Variants in IQCJ observed in about 807,000 individuals in gnomAD.
IQCJ encodes the protein IQ motif containing J.
In IQCJ, 9 loss-of-function variants were observed where a neutral mutation model predicts 11.0. The ratio of observed to expected loss-of-function variants is 0.82; its 90% CI spans 0.49 to 1.43. The LOEUF is 1.43. IQCJ is among the 40% of genes most tolerant of loss of function. The probability of loss-of-function intolerance (pLI) is 0.00; values close to 1 mark genes in which losing one functional copy is unlikely to be tolerated. For synonymous variants in IQCJ, 55 were observed against 51.3 expected (o/e 1.07, Z -0.31); for missense variants, 146 against 133.2 (o/e 1.10, Z -0.47).
intron 1 of IQCJ, among the ~76,000 whole-genome samples, chr3:159,194,481 T>C (rs932265390): frequency 6.6e-6 from 1 of 152,224 alleles, no homozygotes; most frequent in Non-Finnish European, 1.5e-5. Flanking sequence ...TGTTGTTCTA[T>C]AACAATATCT....
At position 159,227,158 on chromosome 3, in the gene IQCJ, G is replaced by C. The variant is rs1725906381; in HGVS notation, c.10-18685G>C. 2.0e-5 allele frequency among the ~76,000 whole-genome samples: 3 copies of C among 152,142 alleles called. No individual in the cohort carries two copies. The South Asian group carries it at 6.2e-4, about 32-fold the overall frequency. On this transcript the variant is annotated intron_variant, in intron 1 of 3. Transcript: ENST00000397832. ...GATGCTTTCTAAATTGTTATAATTA[G>C]ACAATTTTGATAGCAACGAACAAAG...
chr3:159,084,934 T>C (rs1190862088), intron 1 of IQCJ, among the ~76,000 whole-genome samples: 1 of 151,790 alleles, frequency 6.6e-6, no homozygotes, highest in Non-Finnish European at 1.5e-5. Context: ...ATTATTATTA[T>C]ACTTTAAGTT....
chr3:159,129,199 A>T (rs1011846832), intron 1 of IQCJ, among the ~76,000 whole-genome samples: 4 of 152,228 alleles, frequency 2.6e-5, no homozygotes, highest in Non-Finnish European at 5.9e-5. Context: ...GCCCTAAGAG[A>T]TTAAATAATT....
intron 1 of IQCJ, among the ~76,000 whole-genome samples, chr3:159,109,535 A>T (rs993587599): frequency 1.3e-5 from 2 of 151,190 alleles, no homozygotes; most frequent in African/African-American, 4.9e-5. Context: ...ACTAAAAAAA[A>T]AAAAAAAAAA....
In IQCJ at chr3:159,263,743, A is replaced by T. The variant is rs776612448; in HGVS notation, c.*1012A>T. ...AGATGGTTGCATTGCATATTCTTCA[A>T]TAAATGGTTTTGCCTAGATATGGAT... On this transcript the variant is annotated 3_prime_UTR_variant, in exon 4 of 4. Coordinates refer to ENST00000397832, the MANE Select transcript of IQCJ (RefSeq NM_001042706.3). 1.2e-3 allele frequency: 1,209 copies of T among 985,128 alleles called. No homozygotes were observed. Among genetic ancestry groups the T allele is most frequent in the Non-Finnish European group, 1.4e-3 (1,172 of 829,756 alleles). The allele number at this position is 985,128 out of a possible 1,614,324, so 61.0% of individuals were successfully genotyped here.
At chr3:159,181,892 A>G (rs1577064809) in intron 1 of IQCJ, among the ~76,000 whole-genome samples, 1 of 151,476 alleles carries the variant, frequency 6.6e-6, no homozygotes, top group Non-Finnish European at 1.5e-5. Flanking sequence ...TGCAGCCACT[A>G]GAGTGAACAA....
At chr3:159,244,231 G>A (rs1727109148) in intron 1 of IQCJ, among the ~76,000 whole-genome samples, 1 of 152,186 alleles carries the variant, frequency 6.6e-6, no homozygotes, top group Non-Finnish European at 1.5e-5. Context: ...TAAAATAGAA[G>A]CTGTGAGACT....
At chr3:159,211,300 GCTTAAAATTATCCTAGCCAA>G (rs1724937312) in intron 1 of IQCJ, among the ~76,000 whole-genome samples, 2 of 152,144 alleles carry the variant, frequency 1.3e-5, no homozygotes, top group Non-Finnish European at 1.5e-5. Context: ...TAAATCTGTT[GCTTAAAATTATCCTAGCCAA>G]CTTGAAAAGC....
chr3:159,198,757 A>G (rs927228541), intron 1 of IQCJ, among the ~76,000 whole-genome samples: 1 of 152,202 alleles, frequency 6.6e-6, no homozygotes, highest in African/African-American at 2.4e-5. Context: ...ATGGAAGGAA[A>G]TGTAGAAATT....
intron 1 of IQCJ, among the ~76,000 whole-genome samples, chr3:159,234,759 G>C (rs1726478389): frequency 2.0e-5 from 3 of 152,232 alleles, no homozygotes; most frequent in African/African-American, 7.2e-5. Flanking sequence ...GGGATAGAAA[G>C]GGGGAGATAG....
At chr3:159,069,464 C>A (rs774118998) in intron 1 of IQCJ, 23 bp downstream of exon 1, 3 of 1,607,268 alleles carry the variant, frequency 1.9e-6, no homozygotes, top group East Asian at 2.2e-5. Flanking sequence ...CTTTTCTAAA[C>A]GTGCCACTTT....
intron 1 of IQCJ, among the ~76,000 whole-genome samples, chr3:159,125,034 T>C (rs1299493804): frequency 6.6e-6 from 1 of 152,146 alleles, no homozygotes; most frequent in Admixed American, 6.5e-5. Flanking sequence ...GGGATGCACA[T>C]AGTGACTTCT....
chr3:159,160,303 A>G (rs548968592), intron 1 of IQCJ, among the ~76,000 whole-genome samples: 9 of 151,726 alleles, frequency 5.9e-5, no homozygotes, highest in Non-Finnish European at 1.2e-4. Flanking sequence ...TAATTCTATT[A>G]TTATTTTTTT....
intron 1 of IQCJ, among the ~76,000 whole-genome samples, chr3:159,091,333 G>A (rs1173897964): frequency 1.3e-5 from 2 of 151,660 alleles, no homozygotes; most frequent in Non-Finnish European, 2.9e-5. Context: ...GTGCTGACAC[G>A]GTTGGGCTCT....
rs186720774 is a variant in IQCJ at position 159,191,638 on chromosome 3, G to T, written c.10-54205G>T. 3.3e-5 allele frequency among the ~76,000 whole-genome samples: 5 copies of T among 152,294 alleles called. No homozygotes were observed. In the East Asian group the frequency reaches 9.7e-4, roughly 29 times the overall value. On this transcript the variant is annotated intron_variant, in intron 1 of 3. Coordinates refer to ENST00000397832, the MANE Select transcript of IQCJ (RefSeq NM_001042706.3). Reference sequence around the variant, plus strand: ...TTAGCCAAATAGCCCTCCAAGTTGAGAAATAATAACACTGCAGCTTTATCT... The same window carrying T: ...TTAGCCAAATAGCCCTCCAAGTTGATAAATAATAACACTGCAGCTTTATCT...
intron 1 of IQCJ, among the ~76,000 whole-genome samples, chr3:159,190,684 A>G (rs1359656429): frequency 6.6e-6 from 1 of 152,242 alleles, no homozygotes; most frequent in Admixed American, 6.5e-5. Context: ...TTAAGGATGC[A>G]GCACTGAACT....
At chr3:159,104,630 C>T (rs1198018494) in intron 1 of IQCJ, among the ~76,000 whole-genome samples, 1 of 152,136 alleles carries the variant, frequency 6.6e-6, no homozygotes, top group Non-Finnish European at 1.5e-5. Flanking sequence ...TTAGTGGCCT[C>T]CTCGCCCGCC....
intron 1 of IQCJ, among the ~76,000 whole-genome samples, chr3:159,210,589 A>G (rs1050888336): frequency 6.6e-6 from 1 of 152,252 alleles, no homozygotes; most frequent in Non-Finnish European, 1.5e-5. Context: ...ACAATCACAC[A>G]TGGATTCTAA....
chr3:159,133,110 A>G (rs1158396982), intron 1 of IQCJ, among the ~76,000 whole-genome samples: 1 of 152,174 alleles, frequency 6.6e-6, no homozygotes, highest in African/African-American at 2.4e-5. Flanking sequence ...TTTAATAAGA[A>G]AAGAAAAGAG....
Sources: allele counts gnomAD v4.1 joint callset (sites outside exome capture counted in the v4.1 genomes callset), GRCh38; gene constraint gnomAD v4.1.1; transcripts MANE v1.5; gene names NCBI Gene and HGNC (gene_info 2026-07-23, HGNC 2026-07-21).